Variants in ENOX1 observed in about 807,000 individuals in gnomAD.
ENOX1 encodes candidate growth-related and time keeping constitutive hydroquinone (NADH) oxidase.
In ENOX1, 42 loss-of-function variants were observed where a neutral mutation model predicts 82.5. The observed-to-expected ratio is 0.51, with a 90% confidence interval of 0.40 to 0.66. ENOX1 has a LOEUF of 0.66. ENOX1 is among the 30% of genes least tolerant of loss of function. ENOX1 has a pLI of 0.00. For missense variants in ENOX1, 608 were observed against 811.6 expected (o/e 0.75, Z 3.05); for synonymous variants, 271 against 282.2 (o/e 0.96, Z 0.40).
intron 16 of ENOX1, among the ~76,000 whole-genome samples, chr13:43,215,159 A>C (rs2041405749): frequency 6.6e-6 from 1 of 152,220 alleles, no homozygotes; most frequent in Non-Finnish European, 1.5e-5. Flanking sequence ...TCCATTTAAC[A>C]ATATTAGGAT....
chr13:43,508,178 C>T (rs985446768), intron 2 of ENOX1, among the ~76,000 whole-genome samples: 6 of 151,952 alleles, frequency 3.9e-5, no homozygotes, highest in Non-Finnish European at 8.8e-5. Context: ...GACAAAGTCA[C>T]GAGAGCTCCA....
intron 3 of ENOX1, among the ~76,000 whole-genome samples, chr13:43,447,612 G>A (rs17574039): frequency 0.027 from 4,060 of 151,986 alleles, 73 homozygotes; most frequent in Non-Finnish European, 0.043. Context: ...TCATTCATAT[G>A]CAAAAGCAGA....
intron 9 of ENOX1, among the ~76,000 whole-genome samples, chr13:43,331,387 T>G (rs2048401168): frequency 6.6e-6 from 1 of 152,218 alleles, no homozygotes; most frequent in Admixed American, 6.5e-5. Context: ...TTAAAGGCAG[T>G]AGGCTTGCCT....
intron 2 of ENOX1, among the ~76,000 whole-genome samples, chr13:43,530,800 CCA>C (rs2078176920): frequency 6.6e-6 from 1 of 151,776 alleles, no homozygotes; most frequent in African/African-American, 2.4e-5. Context: ...TTATTTAAAC[CCA>C]GTTAATGAAA....
At chr13:43,619,925 C>T (rs1445535369) in intron 2 of ENOX1, among the ~76,000 whole-genome samples, 2 of 152,048 alleles carry the variant, frequency 1.3e-5, no homozygotes, top group Non-Finnish European at 2.9e-5. Flanking sequence ...CAATTTGAAT[C>T]TCACTGCTTG....
At position 43,459,837 on chromosome 13, in the gene ENOX1, C is replaced by CAAA. The variant is rs555963287; in HGVS notation, c.-75+24169_-75+24171dup. 1.1e-3 allele frequency among the ~76,000 whole-genome samples: 167 copies of CAAA among 152,132 alleles called. 1 individual carries two copies. The highest frequency in any genetic ancestry group is 3.6e-3 in the African/African-American group (149 of 41,510). On this transcript the variant is annotated intron_variant, in intron 3 of 16. Coordinates refer to ENST00000690772, the MANE Select transcript of ENOX1 (RefSeq NM_001347969.2). ...TGAAACCCCATCTCTACTAACACTA[C>CAAA]AAAAAAATTAGCTGGGTGTGGTGGC... is the stretch of plus-strand genomic sequence containing the variant.
intron 12 of ENOX1, 117 bp downstream of exon 12, chr13:43,298,229 C>T (rs2046381035): frequency 3.6e-6 from 4 of 1,108,052 alleles, no homozygotes; most frequent in East Asian, 5.2e-5. Context: ...AGTAACATAG[C>T]TTTTTGGTTG....
chr13:43,559,545 A>G (rs2079580619), intron 2 of ENOX1, among the ~76,000 whole-genome samples: 2 of 152,206 alleles, frequency 1.3e-5, no homozygotes, highest in Non-Finnish European at 2.9e-5. Flanking sequence ...GAAAAGAAAT[A>G]CTTATTTAAA....
chr13:43,429,534 C>T (rs1025654761), intron 3 of ENOX1, among the ~76,000 whole-genome samples: 2 of 152,140 alleles, frequency 1.3e-5, no homozygotes, highest in Admixed American at 6.5e-5. Flanking sequence ...ATAAGCATCA[C>T]AATTTTGGTT....
intron 1 of ENOX1, among the ~76,000 whole-genome samples, chr13:43,742,779 G>A (rs972828850): frequency 1.3e-5 from 2 of 152,174 alleles, no homozygotes; most frequent in African/African-American, 2.4e-5. Flanking sequence ...GAGCTGATAG[G>A]ATCTGCTAAG....
At chr13:43,306,439 A>C (rs935472483) in intron 11 of ENOX1, among the ~76,000 whole-genome samples, 2 of 152,198 alleles carry the variant, frequency 1.3e-5, no homozygotes, top group Non-Finnish European at 2.9e-5. Flanking sequence ...TAAAGGCTTT[A>C]AAGATTCTTT....
chr13:43,433,816 C>A (rs1423298271), intron 3 of ENOX1, among the ~76,000 whole-genome samples: 1 of 152,196 alleles, frequency 6.6e-6, no homozygotes, highest in Non-Finnish European at 1.5e-5. Flanking sequence ...CTTCCAGGGG[C>A]ATGGCAACCA....
intron 2 of ENOX1, among the ~76,000 whole-genome samples, chr13:43,512,110 T>A (rs144280980): frequency 7.0e-4 from 107 of 152,244 alleles, no homozygotes; most frequent in African/African-American, 2.5e-3. Flanking sequence ...CATTATTTTA[T>A]AGAATCAAGT....
At chr13:43,659,471 C>CA (rs2084610901) in intron 2 of ENOX1, among the ~76,000 whole-genome samples, 1 of 151,088 alleles carries the variant, frequency 6.6e-6, no homozygotes, top group Non-Finnish European at 1.5e-5. Flanking sequence ...GCCTGGACGA[C>CA]AGAGTGAAAC....
intron 1 of ENOX1, among the ~76,000 whole-genome samples, chr13:43,769,508 C>G (rs1361851814): frequency 6.6e-6 from 1 of 152,094 alleles, no homozygotes. Context: ...GCCATTAGCT[C>G]CAAGCACTTT....
chr13:43,313,591 GA>G (rs1006911530), intron 11 of ENOX1, among the ~76,000 whole-genome samples: 112 of 151,828 alleles, frequency 7.4e-4, no homozygotes, highest in African/African-American at 2.5e-3. Context: ...GAAATGCACA[GA>G]AAAAAAATCA....
At chr13:43,439,953 A>G (rs2056272364) in intron 3 of ENOX1, among the ~76,000 whole-genome samples, 1 of 152,252 alleles carries the variant, frequency 6.6e-6, no homozygotes, top group Non-Finnish European at 1.5e-5. Flanking sequence ...GAAATAATCA[A>G]AAGCATACAG....
chr13:43,750,912 G>T lies in ENOX1; in HGVS notation c.-285+35740C>A, dbSNP rs759678440. ...ACTGTAGTTTAGCATTCATTCTAGT[G>T]AGAATAATCTTCCTGGAACACAAAC... On this transcript the variant is annotated intron_variant, in intron 1 of 16. Coordinates refer to ENST00000690772, the MANE Select transcript of ENOX1 (RefSeq NM_001347969.2). Among the ~76,000 whole-genome samples, 82 of 152,154 alleles carry T rather than the reference G, an allele frequency of 5.4e-4. 1 individual carries two copies. The highest frequency in any genetic ancestry group is 9.1e-4 in the Non-Finnish European group (62 of 68,036).
At chr13:43,305,189 C>A (rs989738943) in intron 11 of ENOX1, among the ~76,000 whole-genome samples, 2 of 152,130 alleles carry the variant, frequency 1.3e-5, no homozygotes, top group Non-Finnish European at 2.9e-5. Flanking sequence ...CTGCCAACAG[C>A]CAGTCTCCTG....
Sources: allele counts gnomAD v4.1 joint callset (sites outside exome capture counted in the v4.1 genomes callset), GRCh38; gene constraint gnomAD v4.1.1; transcripts MANE v1.5; gene names NCBI Gene and HGNC (gene_info 2026-07-23, HGNC 2026-07-21).